The following CDH23 variants were observed in gnomAD, a reference collection of about 807,000 sequenced individuals.
CDH23 encodes cadherin-23.
A neutral mutation model predicts 317.1 loss-of-function variants in CDH23; 189 were observed. That is an observed-to-expected ratio of 0.60 (90% CI 0.53 to 0.67). The LOEUF is 0.67. CDH23 is among the 30% of genes least tolerant of loss of function. CDH23 has a pLI of 0.00. For missense variants in CDH23, 4,401 were observed against 4,592.4 expected (o/e 0.96, Z 1.20); for synonymous variants, 1,839 against 1,876.8 (o/e 0.98, Z 0.52).
chr10:71,631,591 A>T (rs1030407998), intron 11 of CDH23, among the ~76,000 whole-genome samples: 2 of 152,240 alleles, frequency 1.3e-5, no homozygotes, highest in African/African-American at 4.8e-5. Context: ...CCTTGTTGTG[A>T]TAGCCCTCAT....
At chr10:71,755,233 C>T in intron 38 of CDH23, 3 of 908,284 alleles carry the variant, frequency 3.3e-6, no homozygotes, top group Non-Finnish European at 5.1e-6. Context: ...AGTGCAGCTG[C>T]TCCCAACTCT....
chr10:71,427,901 C>T (rs1272510807), intron 1 of CDH23, among the ~76,000 whole-genome samples: 4 of 151,546 alleles, frequency 2.6e-5, no homozygotes, highest in East Asian at 1.9e-4. Context: ...TTAGTAGAGA[C>T]GGGGTTTCAC....
chr10:71,703,925 C>T (rs1375113766), intron 24 of CDH23, among the ~76,000 whole-genome samples: 3 of 152,182 alleles, frequency 2.0e-5, no homozygotes, highest in South Asian at 2.1e-4. Context: ...GAGGAAGGAG[C>T]GGGGAGCGTT....
At chr10:71,485,907 C>G (rs1852324261) in intron 3 of CDH23, among the ~76,000 whole-genome samples, 1 of 152,216 alleles carries the variant, frequency 6.6e-6, no homozygotes, top group Non-Finnish European at 1.5e-5. Context: ...TGAGAAGCCA[C>G]AGAGAAGTCT....
At chr10:71,608,847 G>A (rs150596736) in intron 9 of CDH23, among the ~76,000 whole-genome samples, 2 of 152,324 alleles carry the variant, frequency 1.3e-5, no homozygotes, top group Non-Finnish European at 2.9e-5. Context: ...CCTTCAGAAA[G>A]GGCAGTTCCC....
Position 71,732,154 on chromosome 10 carries a change from G to C in CDH23, c.3883G>C (p.Gly1295Arg). ...TGACCAGGCCCCGCCCTTCAACCAGGGCTTCTGCAGCGTCTACATCACTCT... is the reference window on the plus strand; with the variant it reads ...TGACCAGGCCCCGCCCTTCAACCAGCGCTTCTGCAGCGTCTACATCACTCT... The part of the protein sequence containing the change: ...ATDQAPPFNQ[G>R]FCSVYITLLN... The change falls in exon 32 of 70, where the codon GGC becomes CGC. Residue 1295 changes from glycine (G) to arginine (R), a missense_variant. Physicochemically the swap from Gly to Arg is moderately radical, Grantham distance 125 (BLOSUM62 -2). This residue lies in a region of CDH23 where 3,068 missense variants were observed against 3,203.3 expected (regional missense o/e 0.96). Coordinates refer to ENST00000224721, the MANE Select transcript of CDH23 (RefSeq NM_022124.6). The C allele has an allele frequency of 6.2e-7, 1 of 1,613,970 alleles. No homozygotes were observed. Among genetic ancestry groups the C allele is most frequent in the Non-Finnish European group, 8.5e-7 (1 of 1,179,870 alleles).
Position 71,741,855 on chromosome 10 carries a change from C to A in CDH23, c.4779C>A (p.Asp1593Glu), listed in dbSNP as rs1839743794. Residue 1593 changes from aspartate to glutamate, a missense_variant, in exon 38 of 70, where the codon GAC becomes GAA. Physicochemically the swap from Asp to Glu is conservative, Grantham distance 45 (BLOSUM62 2). Transcript: ENST00000224721. Reference sequence around the variant, plus strand: ...TCGCCACACGGCCTGCCCCGCCTGACCGCGAGCGCCAGAGCTTCTACCACC... The same window carrying A: ...TCGCCACACGGCCTGCCCCGCCTGAACGCGAGCGCCAGAGCTTCTACCACC... ...GEIATRPAPP[D>E]RERQSFYHLV... 3 of 1,610,996 alleles carry A rather than the reference C, an allele frequency of 1.9e-6. No homozygotes were observed. In the African/African-American group the frequency reaches 4.0e-5, roughly 22 times the overall value.
chr10:71,499,812 C>T (rs1261744459), intron 3 of CDH23, among the ~76,000 whole-genome samples: 2 of 151,958 alleles, frequency 1.3e-5, no homozygotes, highest in East Asian at 3.9e-4. Flanking sequence ...GCACTCCAGC[C>T]TGAGCAACAA....
intron 38 of CDH23, among the ~76,000 whole-genome samples, chr10:71,759,874 C>CACACACAGATATATAT (rs1840264854): frequency 1.4e-5 from 1 of 70,274 alleles, no homozygotes. Flanking sequence ...CATATATATA[C>CACACACAGATATATAT]ACACACACAC....
intron 17 of CDH23, among the ~76,000 whole-genome samples, chr10:71,681,702 C>T (rs1009461702): frequency 6.6e-6 from 1 of 152,062 alleles, no homozygotes; most frequent in Non-Finnish European, 1.5e-5. Context: ...TTGGGGAGGC[C>T]GAGGCGGGAG....
intron 6 of CDH23, among the ~76,000 whole-genome samples, chr10:71,540,873 C>T (rs762644175): frequency 1.3e-5 from 2 of 151,892 alleles, no homozygotes; most frequent in African/African-American, 4.8e-5. Context: ...GCTTGCTGTC[C>T]CTGGGCCAGC....
At chr10:71,473,120 C>A (rs774901992) in intron 3 of CDH23, among the ~76,000 whole-genome samples, 1 of 152,198 alleles carries the variant, frequency 6.6e-6, no homozygotes, top group Non-Finnish European at 1.5e-5. Flanking sequence ...GAGCTGGTCA[C>A]TTGGCAATAG....
chr10:71,458,115 C>T (rs894054374), intron 3 of CDH23, among the ~76,000 whole-genome samples: 1 of 152,214 alleles, frequency 6.6e-6, no homozygotes, highest in Non-Finnish European at 1.5e-5. Flanking sequence ...CAGGCAGAGC[C>T]GACTTTGAAC....
intron 7 of CDH23, 111 bp downstream of exon 7, chr10:71,567,047 C>A: frequency 1.0e-6 from 1 of 983,598 alleles, no homozygotes; most frequent in South Asian, 1.5e-5. Context: ...ACTCGATGAT[C>A]TATAATAATT....
intron 15 of CDH23, among the ~76,000 whole-genome samples, chr10:71,675,608 T>A (rs1289640953): frequency 6.6e-6 from 1 of 152,144 alleles, no homozygotes; most frequent in African/African-American, 2.4e-5. Context: ...ACTTTTATCA[T>A]CCCCACTTTA....
At position 71,777,843 on chromosome 10, in the gene CDH23, T is replaced by A. The variant is rs397517333; in HGVS notation, c.5009T>A (p.Val1670Asp). Reference sequence around the variant, plus strand: ...CTGGATGAGGGTCCCAACGGCACAGTCACCTATGCCATCGTCGCAGGCAAC... The same window carrying A: ...CTGGATGAGGGTCCCAACGGCACAGACACCTATGCCATCGTCGCAGGCAAC... ...LDLDEGPNGT[V>D]TYAIVAGNIV... The change falls in exon 39 of 70, where the codon GTC becomes GAC. Residue 1670 changes from valine (V) to aspartate (D), a missense_variant. Transcript: ENST00000224721. The A allele has an allele frequency of 3.0e-5, 48 of 1,613,856 alleles. 1 individual carries two copies. In the South Asian group the frequency reaches 4.1e-4, roughly 14 times the overall value.
At chr10:71,666,283 A>G (rs1863889946) in intron 14 of CDH23, among the ~76,000 whole-genome samples, 1 of 151,770 alleles carries the variant, frequency 6.6e-6, no homozygotes, top group South Asian at 2.1e-4. Flanking sequence ...TTTTCCTGTG[A>G]TCACAGCCCC....
At chr10:71,510,293 G>A (rs778836597) in intron 4 of CDH23, 69 bp downstream of exon 4, 3 of 1,555,522 alleles carry the variant, frequency 1.9e-6, no homozygotes, top group Non-Finnish European at 2.6e-6. Flanking sequence ...GGGAAGGACG[G>A]CCCGCCATCT....
chr10:71,787,083 G>A (rs1037532499), intron 44 of CDH23, among the ~76,000 whole-genome samples: 2 of 152,158 alleles, frequency 1.3e-5, no homozygotes, highest in Admixed American at 6.5e-5. Context: ...GAGTTTGAAT[G>A]AACTCCAGCC....
Sources: gnomAD v4.1 joint callset for allele counts (sites outside exome capture counted in the v4.1 genomes callset) on GRCh38, gnomAD v4.1.1 for gene constraint, gnomAD v4.1.1 regional missense constraint, MANE v1.5 for transcripts, NCBI Gene and HGNC (gene_info 2026-07-23, HGNC 2026-07-21) for gene names.